RNASEH2B: variants seen among roughly 807,000 people sequenced by gnomAD.
The protein encoded by RNASEH2B is ribonuclease H2 subunit B, also known as Aicardi-Goutieres syndrome 2 protein.
RNASEH2B carries 36 observed loss-of-function variants against 45.0 expected under a neutral mutation model. That is an observed-to-expected ratio of 0.80 (90% CI 0.61 to 1.06). RNASEH2B has a LOEUF of 1.06. Ranked by LOEUF, RNASEH2B falls within the 50% of genes least tolerant of loss-of-function variation. The pLI is 0.00. For missense variants in RNASEH2B, 361 were observed against 360.3 expected (o/e 1.00, Z -0.02); for synonymous variants, 119 against 125.7 (o/e 0.95, Z 0.35).
chr13:50,917,235 G>A (rs1010735820), intron 1 of RNASEH2B, among the ~76,000 whole-genome samples: 2 of 152,306 alleles, frequency 1.3e-5, no homozygotes, highest in Non-Finnish European at 1.5e-5. Context: ...AAGAAGGAAA[G>A]GGTACAGGAT....
chr13:50,940,840 T>C (rs1475726570), intron 5 of RNASEH2B: 1 of 152,254 alleles, frequency 6.6e-6, no homozygotes, highest in Admixed American at 6.5e-5. Flanking sequence ...CAATTTTATA[T>C]ATGCCATGGA....
At chr13:50,921,194 C>T (rs909945878) in intron 1 of RNASEH2B, 1 of 152,142 alleles carries the variant, frequency 6.6e-6, no homozygotes, top group Non-Finnish European at 1.5e-5. Flanking sequence ...CAATGAACCA[C>T]AGAGAGGTTG....
At chr13:50,954,960 G>A (rs1209929844) in intron 10 of RNASEH2B, 1 of 152,054 alleles carries the variant, frequency 6.6e-6, no homozygotes, top group Non-Finnish European at 1.5e-5. Context: ...GCAAATTGTT[G>A]GTTCCTGTCG....
downstream of RNASEH2B, among the ~76,000 whole-genome samples, chr13:50,958,309 G>A (rs1952076507): frequency 6.6e-6 from 1 of 152,092 alleles, no homozygotes; most frequent in African/African-American, 2.4e-5. Flanking sequence ...CTCTGCATAT[G>A]GCTGGTCAGT....
Position 50,934,770 on chromosome 13 carries a change from G to C in RNASEH2B, c.322-115G>C, listed in dbSNP as rs1312402941. 6.8e-6 allele frequency: 5 copies of C among 740,606 alleles called. No homozygotes were observed. The East Asian group carries it at 1.3e-4, about 20-fold the overall frequency. The allele number at this position is 740,606 out of a possible 1,614,324, so 45.9% of individuals were successfully genotyped here. On this transcript the variant is annotated intron_variant, in intron 4 of 10. Coordinates refer to ENST00000336617, the MANE Select transcript of RNASEH2B (RefSeq NM_024570.4). ...TGTAGGGATTCCTTAGATGGAATAG[G>C]TGGCTTCTGCACTAAGTTTAAAGGC...
intron 6 of RNASEH2B, 27 bp from the exon 7 acceptor site, chr13:50,945,400 G>T (rs767626668): frequency 1.3e-6 from 2 of 1,490,806 alleles, no homozygotes; most frequent in Non-Finnish European, 1.9e-6. Context: ...AAAATACCCT[G>T]CCTTTCCCCT....
chr13:50,950,680 A>AT (rs1408535081), intron 9 of RNASEH2B: 2 of 152,184 alleles, frequency 1.3e-5, no homozygotes, highest in South Asian at 2.1e-4. Flanking sequence ...AATGAAGCAG[A>AT]TTTTTTTCTC....
intron 1 of RNASEH2B, among the ~76,000 whole-genome samples, chr13:50,917,644 G>A (rs59310144): frequency 0.62 from 93,938 of 152,018 alleles, 29,586 homozygotes; most frequent in African/African-American, 0.71. Flanking sequence ...GAGAAGTCAA[G>A]TAATCTGTCA....
At chr13:50,957,522 C>G (rs900711278), downstream of RNASEH2B, among the ~76,000 whole-genome samples, 1 of 152,072 alleles carries the variant, frequency 6.6e-6, no homozygotes, top group Non-Finnish European at 1.5e-5. Context: ...CTGGGTTGAT[C>G]CCATATCTTT....
chr13:50,945,438 T>C lies in RNASEH2B; in HGVS notation c.522T>C (p.Thr174=), dbSNP rs200390483. The change falls in exon 7 of 11, where the codon ACT becomes ACC. Residue 174 remains threonine, a synonymous_variant. Transcript: ENST00000336617. ...LKWLEKKVNQ[T]VAALKTNNVN... ...TGGTTGCTTCATAGGTTAATCAAAC[T>C]GTGGCAGCATTAAAAACCAATAATG... 1 of 1,612,470 alleles carries C rather than the reference T, an allele frequency of 6.2e-7. No individual in the cohort carries two copies. The highest frequency in any genetic ancestry group is 8.5e-7 in the Non-Finnish European group (1 of 1,178,536).
At chr13:50,957,121 A>G (rs577791998), downstream of RNASEH2B, among the ~76,000 whole-genome samples, 65 of 150,892 alleles carry the variant, frequency 4.3e-4, no homozygotes, top group African/African-American at 1.5e-3. Context: ...TTTTAGACTC[A>G]GGGGGTACAT....
At chr13:50,923,855 A>T (rs1951555394) in intron 1 of RNASEH2B, among the ~76,000 whole-genome samples, 1 of 152,238 alleles carries the variant, frequency 6.6e-6, no homozygotes, top group Admixed American at 6.5e-5. Context: ...TAACAGGCTT[A>T]TAATATGTAA....
At chr13:50,963,950 C>T (rs1952139261) in intron 9 of RNASEH2B, among the ~76,000 whole-genome samples, 1 of 152,228 alleles carries the variant, frequency 6.6e-6, no homozygotes, top group African/African-American at 2.4e-5. Flanking sequence ...GTAATCCCAG[C>T]ACTTTGGGAG....
intron 10 of RNASEH2B, chr13:50,955,155 A>G (rs1952028467): frequency 6.6e-6 from 1 of 152,082 alleles, no homozygotes; most frequent in Non-Finnish European, 1.5e-5. Flanking sequence ...TCCCTTTATG[A>G]TTTTTCCATT....
At chr13:50,943,037 T>G in intron 5 of RNASEH2B, 2 of 328,684 alleles carry the variant, frequency 6.1e-6, no homozygotes, top group Non-Finnish European at 1.1e-5. Context: ...TCCTTTCACA[T>G]TAGTTTGCTG....
intron 3 of RNASEH2B, chr13:50,930,157 T>G (rs1593458696): frequency 9.1e-6 from 2 of 220,966 alleles, no homozygotes; most frequent in East Asian, 1.2e-4. Context: ...TGTTCTGGGG[T>G]GGGGGCAGTC....
At chr13:50,947,941 T>A in intron 7 of RNASEH2B, 46 bp from the exon 8 acceptor site, 1 of 1,602,666 alleles carries the variant, frequency 6.2e-7, no homozygotes, top group Admixed American at 1.7e-5. Flanking sequence ...CCACCATAAT[T>A]ACTATTTTTT....
chr13:50,909,829 C>T lies in RNASEH2B; in HGVS notation c.-248C>T. On this transcript the variant is annotated 5_prime_UTR_variant, in exon 1 of 11. Transcript: ENST00000336617. ...CGAGGGAGAGGCCGCGGCCCCTTCCCGTTGCCTGCGGCCACCGGCCGGCAT... is the reference window on the plus strand; with the variant it reads ...CGAGGGAGAGGCCGCGGCCCCTTCCTGTTGCCTGCGGCCACCGGCCGGCAT... 2.5e-6 allele frequency: 1 copy of T among 404,032 alleles called. No homozygotes were observed. Among genetic ancestry groups the T allele is most frequent in the Non-Finnish European group, 4.4e-6 (1 of 226,186 alleles). 25.0% of individuals were successfully genotyped at this position (404,032 alleles called of 1,614,324 possible). A position where few individuals can be genotyped will look rare whatever the true frequency, so the allele number is the denominator to read the frequency against.
chr13:50,910,389 G>T, intron 1 of RNASEH2B: 1 of 363,626 alleles, frequency 2.8e-6, no homozygotes, highest in Non-Finnish European at 4.9e-6. Context: ...CGGGTGGGAG[G>T]GTGGAAGCCG....
Sources: gnomAD v4.1 joint callset for allele counts (sites outside exome capture counted in the v4.1 genomes callset) on GRCh38, gnomAD v4.1.1 for gene constraint, MANE v1.5 for transcripts, NCBI Gene and HGNC (gene_info 2026-07-23, HGNC 2026-07-21) for gene names.